Variants in LRP1B observed in about 807,000 individuals in gnomAD.
The protein encoded by LRP1B is LDL receptor related protein 1B, also known as low-density lipoprotein receptor-related protein 1B.
Under a neutral mutation model 556.6 loss-of-function variants are expected in LRP1B, and 217 were observed. That is an observed-to-expected ratio of 0.39 (90% CI 0.35 to 0.44). The LOEUF (loss-of-function observed/expected upper bound fraction) is 0.44, where lower values mean the gene tolerates loss of function less well. Ranked by LOEUF, LRP1B falls within the 20% of genes least tolerant of loss-of-function variation. The pLI is 1.00. For synonymous variants in LRP1B, 2,047 were observed against 1,865.8 expected, an observed-to-expected ratio of 1.10 and a Z score of -2.50; for missense variants, 5,053 against 5,620.8, an observed-to-expected ratio of 0.90 and a Z score of 3.23.
At chr2:141,315,419 C>T (rs1450455042) in intron 3 of LRP1B, among the ~76,000 whole-genome samples, 1 of 151,422 alleles carries the variant, frequency 6.6e-6, no homozygotes, top group African/African-American at 2.4e-5. Flanking sequence ...GCCACCATGC[C>T]TGGCTAATTT....
At chr2:141,514,551 T>C (rs55869530) in intron 2 of LRP1B, among the ~76,000 whole-genome samples, 108,232 of 152,036 alleles carry the variant, frequency 0.71, 39,526 homozygotes, top group Admixed American at 0.8. Context: ...GTGGTAGATA[T>C]AAGCTGGGCA....
chr2:140,550,190 G>T (rs1018049446), intron 43 of LRP1B, among the ~76,000 whole-genome samples: 10 of 152,108 alleles, frequency 6.6e-5, no homozygotes, highest in African/African-American at 2.4e-4. Flanking sequence ...ATTGAAAATT[G>T]CAACCCCATA....
intron 84 of LRP1B, among the ~76,000 whole-genome samples, chr2:140,278,543 C>T (rs10198002): frequency 0.025 from 3,730 of 151,864 alleles, 160 homozygotes; most frequent in African/African-American, 0.084. Context: ...CTCTTTAATG[C>T]GTCCAATTTT....
intron 2 of LRP1B, among the ~76,000 whole-genome samples, chr2:141,764,156 T>C (rs947529376): frequency 6.6e-6 from 1 of 151,982 alleles, no homozygotes; most frequent in Admixed American, 6.6e-5. Flanking sequence ...AATGAAGTCA[T>C]AGGAATGGGG....
intron 2 of LRP1B, among the ~76,000 whole-genome samples, chr2:141,795,857 AATATATAT>A (rs1198211801): frequency 5.0e-4 from 26 of 51,608 alleles, no homozygotes; most frequent in South Asian, 1.3e-3. Flanking sequence ...AACCAGGAGC[AATATATAT>A]ATATATATAT....
At chr2:140,244,312 A>C (rs566364156) in intron 87 of LRP1B, among the ~76,000 whole-genome samples, 3 of 151,316 alleles carry the variant, frequency 2.0e-5, no homozygotes, top group African/African-American at 7.3e-5. Context: ...AAAGAGATAC[A>C]ATGACCCCCT....
At chr2:141,833,825 T>G (rs1697182411) in intron 1 of LRP1B, among the ~76,000 whole-genome samples, 1 of 146,550 alleles carries the variant, frequency 6.8e-6, no homozygotes, top group Non-Finnish European at 1.5e-5. Context: ...ACCCTTCCTT[T>G]CTTTCAAGGG....
intron 2 of LRP1B, among the ~76,000 whole-genome samples, chr2:141,789,554 C>T (rs1037748280): frequency 2.6e-5 from 4 of 151,700 alleles, no homozygotes; most frequent in African/African-American, 9.7e-5. Context: ...TACAATCATG[C>T]CTTGGATTAG....
chr2:141,591,346 T>TTTG (rs71411402), intron 2 of LRP1B, among the ~76,000 whole-genome samples: 12,388 of 134,786 alleles, frequency 0.092, 657 homozygotes, highest in South Asian at 0.15. Flanking sequence ...CTGGTTTTTT[T>TTTG]TTGTTGTTGT....
chr2:141,073,834 A>G lies in LRP1B; in HGVS notation c.1014-11561T>C, dbSNP rs557990831. The stretch of plus-strand genomic sequence containing the variant: ...CCACATCCTGCCAGTTACATCTTCA[A>G]TGTATATCTTGAATCTGTATATTTA... On this transcript the variant is annotated intron_variant, in intron 7 of 90. Coordinates refer to ENST00000389484, the MANE Select transcript of LRP1B (RefSeq NM_018557.3). 4.6e-5 allele frequency among the ~76,000 whole-genome samples: 7 copies of G among 152,074 alleles called. No homozygotes were observed. In the South Asian group the frequency reaches 1.2e-3, roughly 27 times the overall value.
intron 2 of LRP1B, among the ~76,000 whole-genome samples, chr2:141,576,074 C>T (rs1686730563): frequency 6.6e-6 from 1 of 152,068 alleles, no homozygotes; most frequent in Non-Finnish European, 1.5e-5. Context: ...ACCATTTGAC[C>T]CAGCAACCCC....
chr2:140,634,847 C>T (rs565722585), intron 41 of LRP1B, among the ~76,000 whole-genome samples: 56 of 151,932 alleles, frequency 3.7e-4, no homozygotes, highest in East Asian at 1.9e-3. Context: ...CTGAGAGACA[C>T]GACAACTAAA....
rs2105222343 is a variant in LRP1B, at chr2:140,902,906, A to G, written c.3766+14T>C. 6.2e-7 allele frequency: 1 copy of G among 1,610,888 alleles called. No homozygotes were observed. Among genetic ancestry groups the G allele is most frequent in the Non-Finnish European group, 8.5e-7 (1 of 1,177,584 alleles). ...ATTCTTAAATATAGCAACACACACAAAATAGTTACTTACCAACACTTGTAC... is the reference window on the plus strand; with the variant it reads ...ATTCTTAAATATAGCAACACACACAGAATAGTTACTTACCAACACTTGTAC... On this transcript the variant is annotated intron_variant, in intron 23 of 90. Coordinates refer to ENST00000389484, the MANE Select transcript of LRP1B (RefSeq NM_018557.3).
intron 35 of LRP1B, among the ~76,000 whole-genome samples, chr2:140,730,748 G>A (rs1055542469): frequency 6.6e-6 from 1 of 152,046 alleles, no homozygotes; most frequent in Non-Finnish European, 1.5e-5. Context: ...TAGTAGAGAC[G>A]GAGTTTCACT....
At chr2:140,396,288 A>T (rs2105219364) in intron 66 of LRP1B, among the ~76,000 whole-genome samples, 1 of 152,290 alleles carries the variant, frequency 6.6e-6, no homozygotes, top group South Asian at 2.1e-4. Context: ...GTTTTATTTT[A>T]AAAGCAAAGT....
intron 2 of LRP1B, among the ~76,000 whole-genome samples, chr2:141,546,560 C>A (rs559006833): frequency 6.6e-6 from 1 of 152,118 alleles, no homozygotes; most frequent in African/African-American, 2.4e-5. Context: ...GTCTTCAAAC[C>A]AAATTTATTC....
intron 1 of LRP1B, among the ~76,000 whole-genome samples, chr2:141,966,077 C>T (rs1701557932): frequency 6.6e-6 from 1 of 151,722 alleles, no homozygotes. Context: ...AATTAGCATG[C>T]TCAGTATTTT....
intron 87 of LRP1B, among the ~76,000 whole-genome samples, chr2:140,243,097 G>C (rs1433452959): frequency 1.3e-5 from 2 of 150,930 alleles, no homozygotes; most frequent in Non-Finnish European, 3.0e-5. Context: ...TGTGGATAGG[G>C]GGCAGTGATG....
At chr2:141,289,980 A>G (rs906514518) in intron 3 of LRP1B, among the ~76,000 whole-genome samples, 1 of 152,120 alleles carries the variant, frequency 6.6e-6, no homozygotes, top group African/African-American at 2.4e-5. Context: ...TTTTTCTATC[A>G]TTTATGAATG....
Sources: gnomAD v4.1 joint callset for allele counts (sites outside exome capture counted in the v4.1 genomes callset) on GRCh38, gnomAD v4.1.1 for gene constraint, MANE v1.5 for transcripts, NCBI Gene and HGNC (gene_info 2026-07-23, HGNC 2026-07-21) for gene names.